The following NTNG1 variants were observed in gnomAD, a reference collection of about 807,000 sequenced individuals.
The protein encoded by NTNG1 is netrin G1.
A neutral mutation model predicts 54.0 loss-of-function variants in NTNG1; 16 were observed. That is an observed-to-expected ratio of 0.30 (90% confidence interval 0.20 to 0.45). The LOEUF (loss-of-function observed/expected upper bound fraction) is 0.45. NTNG1 is among the 20% of genes least tolerant of loss of function. The pLI, the probability that NTNG1 is intolerant of heterozygous loss-of-function variation, is 1.00. For missense variants in NTNG1, 530 were observed against 678.7 expected (o/e 0.78, Z 2.43); for synonymous variants, 255 against 263.1 (o/e 0.97, Z 0.30).
Position 107,299,931 on chromosome 1 carries a change from A to G in NTNG1, c.247-24351A>G, listed in dbSNP as rs117267472. On this transcript the variant is annotated intron_variant, in intron 2 of 7. Coordinates refer to ENST00000370068, the MANE Select transcript of NTNG1 (RefSeq NM_001113226.3). ...AAGCAAAATTGAAGAAAACAGATACAGTACATTTTAAAAGAGAGATTGTTG... is the reference window on the plus strand; with the variant it reads ...AAGCAAAATTGAAGAAAACAGATACGGTACATTTTAAAAGAGAGATTGTTG... Among the ~76,000 whole-genome samples the G allele has an allele frequency of 9.8e-5, 15 of 152,300 alleles. No homozygotes were observed. In the East Asian group the frequency reaches 2.7e-3, roughly 27 times the overall value.
chr1:107,230,563 A>G (rs1301910164), intron 2 of NTNG1, among the ~76,000 whole-genome samples: 1 of 152,208 alleles, frequency 6.6e-6, no homozygotes. Context: ...GTTTCTTTAC[A>G]TAGCAGCCAA....
rs201122185 is a variant in NTNG1 at position 107,350,210 on chromosome 1, AT to A, written c.887+25292del. ...TATATTGGGAAATATCTTTCCCTGT[AT>A]TTTGCCCATTTTTAATGAGAGAATT... On this transcript the variant is annotated intron_variant, in intron 3 of 7. Coordinates refer to ENST00000370068, the MANE Select transcript of NTNG1 (RefSeq NM_001113226.3). 6.9e-3 allele frequency among the ~76,000 whole-genome samples: 1,053 copies of A among 152,152 alleles called. 13 individuals carry two copies. The highest frequency in any genetic ancestry group is 0.021 in the African/African-American group (862 of 41,526).
In NTNG1 at chr1:107,481,149, A is replaced by C. The variant is rs1325491214; in HGVS notation, c.*309A>C. 7.5e-6 allele frequency: 3 copies of C among 402,148 alleles called. No homozygotes were observed. Among genetic ancestry groups the C allele is most frequent in the Non-Finnish European group, 9.0e-6 (2 of 222,974 alleles). 24.9% of individuals were successfully genotyped at this position (402,148 alleles called of 1,614,324 possible). A position where few individuals can be genotyped will look rare whatever the true frequency, so the allele number is the denominator to read the frequency against. On this transcript the variant is annotated 3_prime_UTR_variant, in exon 8 of 8. Transcript: ENST00000370068. ...CAGCCCCCCAAACAGGAAAGACAAA[A>C]AACAAACAAATCAACCGACCTAAAA...
chr1:107,241,027 CT>C (rs1324768806), intron 2 of NTNG1, among the ~76,000 whole-genome samples: 9 of 151,986 alleles, frequency 5.9e-5, no homozygotes, highest in African/African-American at 2.2e-4. Flanking sequence ...TTGGAAGTAA[CT>C]ATTGAGATTT....
intron 2 of NTNG1, among the ~76,000 whole-genome samples, chr1:107,215,955 G>C (rs760384159): frequency 3.3e-5 from 5 of 152,036 alleles, no homozygotes; most frequent in Non-Finnish European, 7.4e-5. Context: ...CTTGGTTGCT[G>C]TTGGTGTATA....
intron 5 of NTNG1, among the ~76,000 whole-genome samples, chr1:107,411,728 T>C (rs1673828407): frequency 6.6e-6 from 1 of 152,170 alleles, no homozygotes; most frequent in Non-Finnish European, 1.5e-5. Flanking sequence ...TTGCATGGTG[T>C]GCTACATTAA....
At chr1:107,199,289 C>G (rs1208926517) in intron 2 of NTNG1, among the ~76,000 whole-genome samples, 1 of 135,660 alleles carries the variant, frequency 7.4e-6, no homozygotes, top group East Asian at 2.1e-4. Context: ...TTTTTTTTTT[C>G]TATTCCTAAT....
At chr1:107,239,365 TG>T (rs1661656050) in intron 2 of NTNG1, among the ~76,000 whole-genome samples, 1 of 152,206 alleles carries the variant, frequency 6.6e-6, no homozygotes, top group South Asian at 2.1e-4. Context: ...GGAATGGAAA[TG>T]AATGGGTGGG....
At chr1:107,319,139 C>T (rs567647624) in intron 2 of NTNG1, among the ~76,000 whole-genome samples, 23 of 152,240 alleles carry the variant, frequency 1.5e-4, no homozygotes, top group Non-Finnish European at 2.8e-4. Context: ...GGCACCTCAG[C>T]GTGACCTGTG....
At chr1:107,167,445 T>G (rs1456340817) in intron 2 of NTNG1, among the ~76,000 whole-genome samples, 2 of 151,822 alleles carry the variant, frequency 1.3e-5, no homozygotes, top group Non-Finnish European at 2.9e-5. Context: ...ATTATACTAA[T>G]AACTTGTATA....
chr1:107,202,112 AC>A (rs1223684776), intron 2 of NTNG1, among the ~76,000 whole-genome samples: 1 of 151,616 alleles, frequency 6.6e-6, no homozygotes. Flanking sequence ...TTTTTAAAAA[AC>A]CTTTTTATTG....
At chr1:107,239,277 T>G (rs1418249303) in intron 2 of NTNG1, among the ~76,000 whole-genome samples, 1 of 152,208 alleles carries the variant, frequency 6.6e-6, no homozygotes, top group Admixed American at 6.5e-5. Flanking sequence ...GAAAATTTAA[T>G]GAATATTTTA....
rs1022354099 is a variant in NTNG1 at position 107,484,247 on chromosome 1, C to A, written c.*3407C>A. ...AGCCACTTGCCATGAAAACAAGAGT[C>A]CAGGGCTGAAAAATAAAGGGATGAG... On this transcript the variant is annotated 3_prime_UTR_variant, in exon 8 of 8. Transcript: ENST00000370068. Among the ~76,000 whole-genome samples the A allele has an allele frequency of 6.6e-6, 1 of 152,050 alleles. No homozygotes were observed. The highest frequency in any genetic ancestry group is 1.5e-5 in the Non-Finnish European group (1 of 68,018).
intron 2 of NTNG1, among the ~76,000 whole-genome samples, chr1:107,218,310 T>C (rs1660106814): frequency 6.6e-6 from 1 of 152,228 alleles, no homozygotes; most frequent in African/African-American, 2.4e-5. Flanking sequence ...GGAATATCTT[T>C]TTCCATTCTT....
At chr1:107,402,823 T>C (rs767454170) in intron 4 of NTNG1, among the ~76,000 whole-genome samples, 3 of 152,292 alleles carry the variant, frequency 2.0e-5, no homozygotes, top group Non-Finnish European at 4.4e-5. Flanking sequence ...GAATTCCTGA[T>C]GGCTGCAGTC....
chr1:107,235,314 G>A (rs142012428), intron 2 of NTNG1, among the ~76,000 whole-genome samples: 129 of 151,914 alleles, frequency 8.5e-4, no homozygotes, highest in Middle Eastern at 3.4e-3. Context: ...CATCAGAAAC[G>A]TGGTTACTGG....
At chr1:107,173,723 C>CTTT (rs201511510) in intron 2 of NTNG1, among the ~76,000 whole-genome samples, 1 of 133,032 alleles carries the variant, frequency 7.5e-6, no homozygotes, top group African/African-American at 2.9e-5. Flanking sequence ...TTCTTTCTTT[C>CTTT]TTTCTTTTTT....
At chr1:107,313,203 C>T (rs1406287737) in intron 2 of NTNG1, among the ~76,000 whole-genome samples, 1 of 152,106 alleles carries the variant, frequency 6.6e-6, no homozygotes, top group Admixed American at 6.6e-5. Flanking sequence ...TACTACAGGG[C>T]AGTTATTTTA....
rs976528009 is a variant in NTNG1, at chr1:107,148,486, C to A, written c.-108C>A. The A allele has an allele frequency of 2.0e-6, 2 of 1,020,778 alleles. No homozygotes were observed. The highest frequency in any genetic ancestry group is 2.9e-6 in the Non-Finnish European group (2 of 684,124). The allele number at this position is 1,020,778 out of a possible 1,614,324, so 63.2% of individuals were successfully genotyped here. A position where few individuals can be genotyped will look rare whatever the true frequency, so the allele number is the denominator to read the frequency against. ...AAAAAAAAATACAGAGACCTACCTA[C>A]CCGTACGCATACATACATATGTGTA... On this transcript the variant is annotated 5_prime_UTR_variant, in exon 2 of 8. Transcript: ENST00000370068.
Sources: allele counts gnomAD v4.1 joint callset (sites outside exome capture counted in the v4.1 genomes callset), GRCh38; gene constraint gnomAD v4.1.1; transcripts MANE v1.5; gene names NCBI Gene and HGNC (gene_info 2026-07-23, HGNC 2026-07-21).